Variants in NAA50 observed in about 807,000 individuals in gnomAD.
NAA50 encodes the protein N-alpha-acetyltransferase 50, NatE catalytic subunit.
In NAA50, 7 loss-of-function variants were observed where a neutral mutation model predicts 20.7. The ratio of observed to expected loss-of-function variants is 0.34; its 90% CI spans 0.19 to 0.63. The LOEUF is 0.63. NAA50 is among the 30% of genes least tolerant of loss of function. NAA50 has a pLI of 0.75. For synonymous variants in NAA50, 54 were observed against 70.6 expected (o/e 0.77, Z 1.18); for missense variants, 111 against 199.1 (o/e 0.56, Z 2.66).
At chr3:113,740,530 G>A (rs1708400306) in intron 1 of NAA50, among the ~76,000 whole-genome samples, 1 of 151,534 alleles carries the variant, frequency 6.6e-6, no homozygotes, top group Non-Finnish European at 1.5e-5. Context: ...CCATACCCCA[G>A]CTAATTATGA....
chr3:113,738,409 C>T (rs1708372569), intron 1 of NAA50, among the ~76,000 whole-genome samples: 1 of 152,206 alleles, frequency 6.6e-6, no homozygotes, highest in South Asian at 2.1e-4. Flanking sequence ...CATCACTTTC[C>T]ATAAGAAATT....
intron 1 of NAA50, among the ~76,000 whole-genome samples, chr3:113,732,373 G>A (rs1708282808): frequency 6.6e-6 from 1 of 152,160 alleles, no homozygotes; most frequent in African/African-American, 2.4e-5. Flanking sequence ...CTTCTCAAGG[G>A]CCTCTAGGAG....
intron 1 of NAA50, among the ~76,000 whole-genome samples, chr3:113,727,962 G>A (rs1577068694): frequency 6.6e-6 from 1 of 151,890 alleles, no homozygotes; most frequent in East Asian, 1.9e-4. Context: ...TGACTGAAAT[G>A]GAATACTTCT....
chr3:113,733,577 C>T (rs959628200), intron 1 of NAA50, among the ~76,000 whole-genome samples: 1 of 151,330 alleles, frequency 6.6e-6, no homozygotes, highest in Non-Finnish European at 1.5e-5. Flanking sequence ...AAAGGCCAGG[C>T]ATGGTGGCTC....
chr3:113,739,586 T>C (rs1708385811), intron 1 of NAA50: 1 of 152,230 alleles, frequency 6.6e-6, no homozygotes, highest in South Asian at 2.1e-4. Flanking sequence ...AGGCAGAATA[T>C]AGCTTGCACT....
chr3:113,730,910 A>G (rs759189155), intron 1 of NAA50, among the ~76,000 whole-genome samples: 4 of 152,230 alleles, frequency 2.6e-5, no homozygotes, highest in Admixed American at 2.0e-4. Flanking sequence ...TGGTATGAAC[A>G]TAAGTTCTTA....
At chr3:113,726,294 C>T (rs962603247) in intron 1 of NAA50, among the ~76,000 whole-genome samples, 1 of 152,106 alleles carries the variant, frequency 6.6e-6, no homozygotes, top group African/African-American at 2.4e-5. Flanking sequence ...TTGTTATAGT[C>T]TCTTCCAACT....
At chr3:113,733,618 G>A (rs892947049) in intron 1 of NAA50, among the ~76,000 whole-genome samples, 1 of 152,018 alleles carries the variant, frequency 6.6e-6, no homozygotes, top group African/African-American at 2.4e-5. Context: ...TTGGGCGGCT[G>A]AGGCAGGTGA....
chr3:113,741,994 CTTTTA>C (rs1055884774), intron 1 of NAA50, among the ~76,000 whole-genome samples: 3 of 151,902 alleles, frequency 2.0e-5, no homozygotes, highest in African/African-American at 7.3e-5. Flanking sequence ...TTTTATTTTT[CTTTTA>C]TATTAGAGAG....
chr3:113,736,583 T>TA (rs1708345809), intron 1 of NAA50, among the ~76,000 whole-genome samples: 1 of 152,358 alleles, frequency 6.6e-6, no homozygotes, highest in East Asian at 1.9e-4. Context: ...CAAATGTTTT[T>TA]AGCTATTCAA....
At position 113,722,886 on chromosome 3, in the gene NAA50, T is replaced by A; in HGVS notation, c.332+20A>T. On this transcript the variant is annotated intron_variant, in intron 4 of 4. Transcript: ENST00000240922. ...CAATTAAACCCCTTTGATAAGAACA[T>A]TAAATATTATTTTACTTACAGATAA... is the stretch of plus-strand genomic sequence containing the variant. The A allele has an allele frequency of 6.6e-7, 1 of 1,510,558 alleles. No individual in the cohort carries two copies. Among genetic ancestry groups the A allele is most frequent in the Non-Finnish European group, 8.9e-7 (1 of 1,117,790 alleles). The allele number at this position is 1,510,558 out of a possible 1,614,324, so 93.6% of individuals were successfully genotyped here. A position where few individuals can be genotyped will look rare whatever the true frequency, so the allele number is the denominator to read the frequency against.
At chr3:113,734,874 G>A (rs1210090091) in intron 1 of NAA50, among the ~76,000 whole-genome samples, 1 of 152,032 alleles carries the variant, frequency 6.6e-6, no homozygotes, top group Non-Finnish European at 1.5e-5. Context: ...ACGCTTTTAA[G>A]GTATGAATGG....
At chr3:113,743,071 C>T (rs1223126138) in intron 1 of NAA50, among the ~76,000 whole-genome samples, 1 of 152,172 alleles carries the variant, frequency 6.6e-6, no homozygotes, top group Admixed American at 6.5e-5. Context: ...CAAACTTCTA[C>T]ATGTGCATAT....
Position 113,721,696 on chromosome 3 carries a change from G to GA in NAA50, c.*63dup. 1 of 1,543,522 alleles carries GA rather than the reference G, an allele frequency of 6.5e-7. No homozygotes were observed. The highest frequency in any genetic ancestry group is 2.2e-5 in the East Asian group (1 of 44,492). ...AAAGAAAAGTGTTGGGGTGGGGGAG[G>GA]AATCAATGGGCCTCTCTTTTATTTG... is the stretch of plus-strand genomic sequence containing the variant. On this transcript the variant is annotated 3_prime_UTR_variant, in exon 5 of 5. Coordinates refer to ENST00000240922, the MANE Select transcript of NAA50 (RefSeq NM_025146.4).
chr3:113,719,833 C>T lies in NAA50; in HGVS notation c.*1927G>A, dbSNP rs555269690. 1 of 152,720 alleles carries T rather than the reference C, an allele frequency of 6.5e-6. No individual in the cohort carries two copies. The highest frequency in any genetic ancestry group is 1.9e-4 in the East Asian group (1 of 5,192). 9.5% of individuals were successfully genotyped at this position (152,720 alleles called of 1,614,324 possible). ...TATAGAAATAGAGGCAGTGTCATCT[C>T]AGAAAACCATTTATATATCAAAGTC... On this transcript the variant is annotated 3_prime_UTR_variant, in exon 5 of 5. Transcript: ENST00000240922.
intron 1 of NAA50, among the ~76,000 whole-genome samples, chr3:113,740,393 C>T (rs1026858155): frequency 6.6e-6 from 1 of 152,068 alleles, no homozygotes; most frequent in African/African-American, 2.4e-5. Context: ...ACAGGGTCTC[C>T]CTCTGTCACC....
intron 1 of NAA50, among the ~76,000 whole-genome samples, chr3:113,740,376 T>C (rs923453128): frequency 6.6e-6 from 1 of 152,202 alleles, no homozygotes; most frequent in African/African-American, 2.4e-5. Flanking sequence ...AGTTTTTTCT[T>C]TTTGAGACAG....
At chr3:113,742,634 C>T (rs1029968568) in intron 1 of NAA50, among the ~76,000 whole-genome samples, 1 of 152,100 alleles carries the variant, frequency 6.6e-6, no homozygotes, top group Admixed American at 6.5e-5. Context: ...TCAGAGGTAA[C>T]CACTGTTCGG....
chr3:113,727,664 C>T (rs1356539677), intron 1 of NAA50, among the ~76,000 whole-genome samples: 3 of 149,340 alleles, frequency 2.0e-5, no homozygotes, highest in Non-Finnish European at 3.0e-5. Flanking sequence ...ATAGAAATGA[C>T]GTAGAAAGGG....
Sources: gnomAD v4.1 joint callset for allele counts (sites outside exome capture counted in the v4.1 genomes callset) on GRCh38, gnomAD v4.1.1 for gene constraint, MANE v1.5 for transcripts, NCBI Gene and HGNC (gene_info 2026-07-23, HGNC 2026-07-21) for gene names.